OXCT1: variants seen among roughly 807,000 people sequenced by gnomAD.
OXCT1 encodes succinyl-CoA:3-ketoacid coenzyme A transferase 1, mitochondrial.
Under a neutral mutation model 69.6 loss-of-function variants are expected in OXCT1, and 27 were observed. That is an observed-to-expected ratio of 0.39 (90% CI 0.29 to 0.54). OXCT1 has a LOEUF of 0.54. Among genes scored for constraint, OXCT1 ranks in the 20% least tolerant of loss-of-function variants. The pLI is 0.72. For missense variants in OXCT1, 437 were observed against 650.2 expected (o/e 0.67, Z 3.57); for synonymous variants, 202 against 217.8 (o/e 0.93, Z 0.64).
chr5:41,781,230 A>ATCATAGATATAAAAACATTC (rs1489776042), intron 13 of OXCT1, among the ~76,000 whole-genome samples: 2 of 152,052 alleles, frequency 1.3e-5, no homozygotes, highest in African/African-American at 2.4e-5. Flanking sequence ...TATTAACCTC[A>ATCATAGATATAAAAACATTC]TCATAGATAT....
At position 41,762,653 on chromosome 5, in the gene OXCT1, A is replaced by G. The variant is rs551568689; in HGVS notation, c.1249-453T>C. On this transcript the variant is annotated intron_variant, in intron 13 of 16. Coordinates refer to ENST00000196371, the MANE Select transcript of OXCT1 (RefSeq NM_000436.4). This position sits in a 1 kb window ranked among gnomAD's most constrained non-coding sequence, Gnocchi z 4.0. ...GATTAAAATTCCATTATGTAGTAGT[A>G]GGCTGAGGCATGAATGGTGTTTTTC... 4.6e-5 allele frequency among the ~76,000 whole-genome samples: 7 copies of G among 152,290 alleles called. No individual in the cohort carries two copies. The South Asian group carries it at 1.4e-3, about 32-fold the overall frequency.
chr5:41,778,208 G>A (rs1486018825), intron 13 of OXCT1, among the ~76,000 whole-genome samples: 1 of 152,118 alleles, frequency 6.6e-6, no homozygotes, highest in Non-Finnish European at 1.5e-5. Flanking sequence ...ATGTAAAAAA[G>A]TTACAGATGG....
chr5:41,783,839 A>G (rs751455713), intron 13 of OXCT1, among the ~76,000 whole-genome samples: 3 of 152,238 alleles, frequency 2.0e-5, no homozygotes, highest in Non-Finnish European at 4.4e-5. Flanking sequence ...AGAGGTAAGC[A>G]GTTGTTCAAA....
intron 7 of OXCT1, among the ~76,000 whole-genome samples, chr5:41,811,031 A>G (rs1446679955): frequency 2.6e-5 from 4 of 151,884 alleles, no homozygotes; most frequent in Non-Finnish European, 5.9e-5. Context: ...AAAACAGACA[A>G]CAAGCAATAA....
At chr5:41,842,419 A>C (rs1274031432) in intron 6 of OXCT1, among the ~76,000 whole-genome samples, 1 of 152,218 alleles carries the variant, frequency 6.6e-6, no homozygotes, top group Non-Finnish European at 1.5e-5. Context: ...GAGAAAAACA[A>C]CTGCATGTGC....
At chr5:41,793,184 C>T (rs1318600064) in intron 13 of OXCT1, among the ~76,000 whole-genome samples, 3 of 152,160 alleles carry the variant, frequency 2.0e-5, no homozygotes, top group Admixed American at 1.3e-4. Context: ...GAAAACTGTC[C>T]TATCATAGAC....
chr5:41,837,439 A>C (rs776467674), intron 7 of OXCT1, among the ~76,000 whole-genome samples: 1 of 152,118 alleles, frequency 6.6e-6, no homozygotes, highest in Non-Finnish European at 1.5e-5. Flanking sequence ...AAAAGCTTAA[A>C]GGTCAAAGAG....
At chr5:41,827,769 A>G (rs1266688348) in intron 7 of OXCT1, among the ~76,000 whole-genome samples, 1 of 152,206 alleles carries the variant, frequency 6.6e-6, no homozygotes, top group East Asian at 1.9e-4. Context: ...TAAGTCTTAC[A>G]AAAGTGTTTC....
At chr5:41,857,581 A>G (rs964098045) in intron 3 of OXCT1, among the ~76,000 whole-genome samples, 2 of 152,016 alleles carry the variant, frequency 1.3e-5, no homozygotes, top group Non-Finnish European at 2.9e-5. Flanking sequence ...TGGGATTTAT[A>G]TTCCTCTGGC....
At chr5:41,869,351 G>T (rs145845723) in intron 1 of OXCT1, among the ~76,000 whole-genome samples, 2 of 152,198 alleles carry the variant, frequency 1.3e-5, no homozygotes, top group African/African-American at 2.4e-5. Context: ...AGGCTCCCGC[G>T]ATTGAGACGG....
intron 11 of OXCT1, among the ~76,000 whole-genome samples, chr5:41,795,882 G>T (rs972519285): frequency 6.6e-6 from 1 of 151,926 alleles, no homozygotes; most frequent in East Asian, 1.9e-4. Context: ...AAGCTGGGGA[G>T]AAATAAAAAT....
intron 15 of OXCT1, among the ~76,000 whole-genome samples, chr5:41,747,105 A>G (rs920632115): frequency 1.3e-5 from 2 of 152,072 alleles, no homozygotes; most frequent in African/African-American, 4.8e-5. Flanking sequence ...CCAGCCTTAA[A>G]ACAAAATCAC....
intron 14 of OXCT1, among the ~76,000 whole-genome samples, chr5:41,761,485 A>T (rs1033129052): frequency 2.0e-5 from 3 of 152,128 alleles, no homozygotes; most frequent in South Asian, 2.1e-4. Flanking sequence ...AAAAAGACTG[A>T]ATGTAAGCTT....
intron 3 of OXCT1, among the ~76,000 whole-genome samples, chr5:41,856,483 C>G (rs1442165651): frequency 6.6e-6 from 1 of 152,216 alleles, no homozygotes; most frequent in Non-Finnish European, 1.5e-5. Context: ...ACTCTCCACT[C>G]TCATACTCCT....
In OXCT1 at chr5:41,861,293, GT is replaced by G; in HGVS notation, c.278+20del. The G allele has an allele frequency of 6.8e-7, 1 of 1,472,384 alleles. No individual in the cohort carries two copies. Among genetic ancestry groups the G allele is most frequent in the Non-Finnish European group, 9.5e-7 (1 of 1,051,564 alleles). 91.2% of individuals were successfully genotyped at this position (1,472,384 alleles called of 1,614,324 possible). Reference sequence around the variant, plus strand: ...AATTGGCATTTCTCTCCAGCCAATTGTTTTTAAAATGCACACTTACCCTGCA... The same window carrying G: ...AATTGGCATTTCTCTCCAGCCAATTGTTTTAAAATGCACACTTACCCTGCA... On this transcript the variant is annotated intron_variant, in intron 3 of 16. Coordinates refer to ENST00000196371, the MANE Select transcript of OXCT1 (RefSeq NM_000436.4).
intron 1 of OXCT1, among the ~76,000 whole-genome samples, chr5:41,868,730 A>C (rs987857046): frequency 1.3e-5 from 2 of 152,102 alleles, no homozygotes; most frequent in African/African-American, 4.8e-5. Context: ...CTCAAAAAAA[A>C]AAAAACAATA....
chr5:41,837,047 T>G (rs6889217), intron 7 of OXCT1, among the ~76,000 whole-genome samples: 32,046 of 152,084 alleles, frequency 0.21, 3,522 homozygotes, highest in Middle Eastern at 0.29. Context: ...AAAAGCAAGA[T>G]GTATGTTCCT....
At chr5:41,841,660 A>G (rs1156432690) in intron 6 of OXCT1, among the ~76,000 whole-genome samples, 1 of 152,210 alleles carries the variant, frequency 6.6e-6, no homozygotes, top group East Asian at 1.9e-4. Flanking sequence ...GAATATTTTC[A>G]ATAATTCCTT....
At chr5:41,809,907 T>C (rs1746881210) in intron 7 of OXCT1, among the ~76,000 whole-genome samples, 1 of 152,090 alleles carries the variant, frequency 6.6e-6, no homozygotes, top group Non-Finnish European at 1.5e-5. Context: ...TTTCAGACTG[T>C]AGAAAATGCA....
Sources: allele counts gnomAD v4.1 joint callset (sites outside exome capture counted in the v4.1 genomes callset), GRCh38; gene constraint gnomAD v4.1.1; non-coding constraint Gnocchi (gnomAD v3.1); transcripts MANE v1.5; gene names NCBI Gene and HGNC (gene_info 2026-07-23, HGNC 2026-07-21).